The following IL1RAPL2 variants were observed in gnomAD, a reference collection of about 807,000 sequenced individuals.
The protein encoded by IL1RAPL2 is interleukin 1 receptor accessory protein like 2.
A neutral mutation model predicts 44.1 loss-of-function variants in IL1RAPL2; 3 were observed. The observed-to-expected ratio is 0.07, with a 90% CI of 0.03 to 0.18. The LOEUF (loss-of-function observed/expected upper bound fraction) is 0.18, where lower values mean the gene tolerates loss of function less well. IL1RAPL2 is among the 10% of genes least tolerant of loss of function. IL1RAPL2 has a pLI of 1.00. For synonymous variants in IL1RAPL2, 181 were observed against 178.8 expected (o/e 1.01, Z -0.10); for missense variants, 391 against 496.4 (o/e 0.79, Z 2.02).
intron 2 of IL1RAPL2, among the ~76,000 whole-genome samples, chrX:105,010,052 A>G (rs1170966478): frequency 1.8e-5 from 2 of 110,296 alleles, no homozygotes; most frequent in African/African-American, 6.7e-5. Context: ...TATCTTGTGA[A>G]ATGATTTTTG....
intron 5 of IL1RAPL2, among the ~76,000 whole-genome samples, chrX:105,338,944 A>G (rs1415241774): frequency 9.0e-6 from 1 of 110,680 alleles, no homozygotes; most frequent in Admixed American, 9.7e-5. Flanking sequence ...TTCTAAAAAT[A>G]CAAAAAAAAT....
At chrX:104,892,754 C>T (rs1341158686) in intron 2 of IL1RAPL2, among the ~76,000 whole-genome samples, 1 of 111,367 alleles carries the variant, frequency 9.0e-6, no homozygotes, top group Non-Finnish European at 1.9e-5. Context: ...CTCCTGGATT[C>T]ATTGATTTTT....
intron 5 of IL1RAPL2, among the ~76,000 whole-genome samples, chrX:105,453,151 A>C (rs2147762656): frequency 9.0e-6 from 1 of 110,704 alleles, no homozygotes; most frequent in African/African-American, 3.3e-5. Context: ...TCTCCACCCC[A>C]CTCCCCGTAT....
intron 6 of IL1RAPL2, among the ~76,000 whole-genome samples, chrX:105,593,296 TA>T (rs1273561332): frequency 8.9e-6 from 1 of 112,188 alleles, no homozygotes; most frequent in Non-Finnish European, 1.9e-5. Context: ...GGTTCTTTTT[TA>T]AAATGGCTAT....
chrX:104,799,246 C>T (rs908365196), intron 2 of IL1RAPL2, among the ~76,000 whole-genome samples: 6 of 111,343 alleles, frequency 5.4e-5, no homozygotes, highest in Admixed American at 9.5e-5. Flanking sequence ...AGTCTTGCTG[C>T]GCCTGGATTA....
chrX:104,675,061 A>G (rs1195103830), intron 2 of IL1RAPL2, among the ~76,000 whole-genome samples: 1 of 110,999 alleles, frequency 9.0e-6, no homozygotes, highest in Admixed American at 9.6e-5. Context: ...TCCTGGATTC[A>G]TTAATTTTTT....
intron 2 of IL1RAPL2, among the ~76,000 whole-genome samples, chrX:104,946,975 C>A (rs1383225893): frequency 1.5e-4 from 15 of 97,925 alleles, no homozygotes; most frequent in African/African-American, 5.3e-4. Context: ...GTTCTAGATC[C>A]CTGAGGAATC....
At chrX:105,289,096 A>C (rs899436908) in intron 5 of IL1RAPL2, among the ~76,000 whole-genome samples, 6 of 110,741 alleles carry the variant, frequency 5.4e-5, no homozygotes, top group Admixed American at 3.9e-4. Context: ...CAATTTTTTT[A>C]ACTTTCGTAA....
chrX:105,216,597 A>C (rs1048843364), intron 3 of IL1RAPL2, among the ~76,000 whole-genome samples: 2 of 111,356 alleles, frequency 1.8e-5, no homozygotes, highest in African/African-American at 6.5e-5. Context: ...GAAAAAAAAA[A>C]ACTACTTTAA....
chrX:104,599,964 G>A (rs1602637335), intron 1 of IL1RAPL2, among the ~76,000 whole-genome samples: 1 of 111,152 alleles, frequency 9.0e-6, no homozygotes, highest in South Asian at 3.8e-4. Context: ...CAGCATCTGG[G>A]AAGGAAAACT....
At chrX:104,999,366 G>A (rs997289293) in intron 2 of IL1RAPL2, among the ~76,000 whole-genome samples, 85 of 111,220 alleles carry the variant, frequency 7.6e-4, no homozygotes, top group African/African-American at 2.7e-3. Flanking sequence ...AGTGGAGAAG[G>A]TGTGAAATAT....
At chrX:105,295,631 A>G (rs2034648444) in intron 5 of IL1RAPL2, among the ~76,000 whole-genome samples, 2 of 112,149 alleles carry the variant, frequency 1.8e-5, no homozygotes, top group Non-Finnish European at 3.8e-5. Context: ...GAAACTTTCA[A>G]TGTGCCTATA....
chrX:104,957,907 C>G (rs949391620), intron 2 of IL1RAPL2, among the ~76,000 whole-genome samples: 1 of 110,514 alleles, frequency 9.0e-6, no homozygotes, highest in African/African-American at 3.3e-5. Flanking sequence ...GGCAACACAG[C>G]GAGACCTCAT....
intron 6 of IL1RAPL2, among the ~76,000 whole-genome samples, chrX:105,574,995 G>A (rs2037040387): frequency 9.0e-6 from 1 of 111,128 alleles, no homozygotes; most frequent in Non-Finnish European, 1.9e-5. Context: ...AAGTAGGTGA[G>A]GAATCAATCA....
intron 5 of IL1RAPL2, among the ~76,000 whole-genome samples, chrX:105,309,745 A>AT (rs2034781777): frequency 9.1e-6 from 1 of 109,593 alleles, no homozygotes; most frequent in Non-Finnish European, 1.9e-5. Flanking sequence ...AAAAAAAAAA[A>AT]TCTGTTTTTA....
At chrX:105,411,942 G>A (rs12156709) in intron 5 of IL1RAPL2, among the ~76,000 whole-genome samples, 36,375 of 110,549 alleles carry the variant, frequency 0.33, 5,615 homozygotes, top group Non-Finnish European at 0.48. Flanking sequence ...AAGAAAAAGA[G>A]CACATCAAGT....
intron 7 of IL1RAPL2, among the ~76,000 whole-genome samples, chrX:105,729,372 G>A (rs1569469674): frequency 9.0e-6 from 1 of 111,485 alleles, no homozygotes; most frequent in Non-Finnish European, 1.9e-5. Context: ...GATGTTGTCA[G>A]TAATACTGGG....
chrX:104,841,260 T>G (rs1225371773), intron 2 of IL1RAPL2, among the ~76,000 whole-genome samples: 1 of 111,767 alleles, frequency 8.9e-6, no homozygotes, highest in Non-Finnish European at 1.9e-5. Context: ...CCCCACCCCT[T>G]TATTTTGAGC....
At chrX:105,017,471 G>C (rs1247913811) in intron 2 of IL1RAPL2, among the ~76,000 whole-genome samples, 18 of 111,445 alleles carry the variant, frequency 1.6e-4, no homozygotes, top group African/African-American at 5.2e-4. Flanking sequence ...AGGGGAAGGA[G>C]TGATTGTCCC....
Sources: gnomAD v4.1 joint callset for allele counts (sites outside exome capture counted in the v4.1 genomes callset) on GRCh38, gnomAD v4.1.1 for gene constraint, MANE v1.5 for transcripts, NCBI Gene and HGNC (gene_info 2026-07-23, HGNC 2026-07-21) for gene names.